PTPRD: variants seen among roughly 807,000 people sequenced by gnomAD.
The protein encoded by PTPRD is protein tyrosine phosphatase receptor type D.
A neutral mutation model predicts 214.5 loss-of-function variants in PTPRD; 34 were observed. The observed-to-expected ratio is 0.16, with a 90% CI of 0.12 to 0.21. The LOEUF is 0.21. Ranked by LOEUF, PTPRD falls within the 10% of genes least tolerant of loss-of-function variation. The pLI is 1.00. For missense variants in PTPRD, 2,545 were observed against 2,398.7 expected (o/e 1.06, Z -1.27); for synonymous variants, 1,128 against 845.7 (o/e 1.33, Z -5.79).
intron 2 of PTPRD, among the ~76,000 whole-genome samples, chr9:10,406,069 A>C (rs528289538): frequency 6.6e-6 from 1 of 151,470 alleles, no homozygotes; most frequent in African/African-American, 2.4e-5. Flanking sequence ...TAGAAGATAT[A>C]TTCTAATGTA....
intron 3 of PTPRD, among the ~76,000 whole-genome samples, chr9:10,130,113 T>A (rs770718585): frequency 3.3e-5 from 5 of 152,034 alleles, no homozygotes; most frequent in Non-Finnish European, 7.4e-5. Context: ...CCATTCCTCT[T>A]GTATAAATGT....
At chr9:10,223,443 T>C (rs1487940492) in intron 3 of PTPRD, among the ~76,000 whole-genome samples, 6 of 151,860 alleles carry the variant, frequency 4.0e-5, no homozygotes, top group Non-Finnish European at 8.8e-5. Flanking sequence ...GGCGGGCAGA[T>C]CACTTGAGGC....
chr9:10,119,769 A>G (rs1386939528), intron 3 of PTPRD, among the ~76,000 whole-genome samples: 4 of 152,074 alleles, frequency 2.6e-5, no homozygotes, highest in African/African-American at 9.7e-5. Flanking sequence ...TTTCCTGTCT[A>G]TAAAAGCAGT....
At chr9:9,591,821 T>C (rs1156468139) in intron 7 of PTPRD, among the ~76,000 whole-genome samples, 2 of 152,082 alleles carry the variant, frequency 1.3e-5, no homozygotes, top group Non-Finnish European at 2.9e-5. Flanking sequence ...GGTGAGGGCA[T>C]TCCAAATTTT....
At chr9:9,096,829 T>C (rs1248592711) in intron 10 of PTPRD, among the ~76,000 whole-genome samples, 2 of 152,232 alleles carry the variant, frequency 1.3e-5, no homozygotes, top group Admixed American at 6.5e-5. Context: ...GAGGCCATAA[T>C]TGGCATGTAG....
intron 10 of PTPRD, among the ~76,000 whole-genome samples, chr9:9,163,385 A>C (rs2099894334): frequency 6.6e-6 from 1 of 151,646 alleles, no homozygotes; most frequent in East Asian, 1.9e-4. Context: ...TGTGTTCTCT[A>C]TCTCAGAAAT....
At chr9:10,373,145 A>C (rs200368194) in intron 2 of PTPRD, among the ~76,000 whole-genome samples, 12 of 86,934 alleles carry the variant, frequency 1.4e-4, no homozygotes, top group Non-Finnish European at 1.8e-4. Context: ...CTTTATACTT[A>C]AAAAAAAAAA....
intron 3 of PTPRD, among the ~76,000 whole-genome samples, chr9:10,160,529 T>C (rs572464831): frequency 2.0e-5 from 3 of 151,956 alleles, no homozygotes; most frequent in African/African-American, 7.2e-5. Flanking sequence ...AATATAATAT[T>C]CCTTTATGGT....
intron 9 of PTPRD, among the ~76,000 whole-genome samples, chr9:9,345,009 T>C (rs2048279089): frequency 6.6e-6 from 1 of 152,068 alleles, no homozygotes; most frequent in Non-Finnish European, 1.5e-5. Flanking sequence ...GACAAAATAA[T>C]GCCCTAGAAG....
At chr9:10,105,729 T>C (rs1047044580) in intron 3 of PTPRD, among the ~76,000 whole-genome samples, 2 of 151,798 alleles carry the variant, frequency 1.3e-5, no homozygotes, top group African/African-American at 4.8e-5. Flanking sequence ...TTATTGTATA[T>C]AAGAAGCTTC....
intron 3 of PTPRD, among the ~76,000 whole-genome samples, chr9:10,272,055 A>G (rs1426930614): frequency 6.6e-6 from 1 of 152,158 alleles, no homozygotes; most frequent in Admixed American, 6.5e-5. Context: ...TTCATCCCTT[A>G]GAAAGAAACC....
At chr9:10,302,318 A>C (rs2095885992) in intron 3 of PTPRD, among the ~76,000 whole-genome samples, 1 of 152,212 alleles carries the variant, frequency 6.6e-6, no homozygotes, top group Non-Finnish European at 1.5e-5. Context: ...AAACATACCA[A>C]ATTGTAAAGA....
At chr9:9,277,801 G>A (rs1359566857) in intron 9 of PTPRD, among the ~76,000 whole-genome samples, 1 of 151,168 alleles carries the variant, frequency 6.6e-6, no homozygotes, top group Non-Finnish European at 1.5e-5. Context: ...GTACCATTGT[G>A]GGCTCTCAAA....
At chr9:10,500,256 C>A (rs889135275) in intron 2 of PTPRD, among the ~76,000 whole-genome samples, 4 of 151,740 alleles carry the variant, frequency 2.6e-5, no homozygotes, top group Admixed American at 2.6e-4. Flanking sequence ...GATGGCCTAT[C>A]CCTGAAACTA....
intron 39 of PTPRD, among the ~76,000 whole-genome samples, chr9:8,352,277 G>A (rs983466833): frequency 3.9e-5 from 6 of 152,172 alleles, no homozygotes; most frequent in Non-Finnish European, 4.4e-5. Context: ...TCATTTTACA[G>A]ATGGATAGAA....
chr9:9,918,714 A>G (rs2153854733), intron 5 of PTPRD, among the ~76,000 whole-genome samples: 1 of 152,254 alleles, frequency 6.6e-6, no homozygotes, highest in East Asian at 1.9e-4. Flanking sequence ...GAAAGAGACC[A>G]ATAGAACCAA....
intron 4 of PTPRD, among the ~76,000 whole-genome samples, chr9:9,983,723 C>A (rs1359328462): frequency 2.0e-5 from 3 of 152,194 alleles, no homozygotes; most frequent in African/African-American, 7.2e-5. Flanking sequence ...GATTTCACAA[C>A]TAATGTGATC....
At chr9:10,305,241 T>C (rs1336277217) in intron 3 of PTPRD, among the ~76,000 whole-genome samples, 2 of 151,986 alleles carry the variant, frequency 1.3e-5, no homozygotes, top group African/African-American at 4.8e-5. Context: ...GCTTACACCT[T>C]ATAGCAAAAT....
At chr9:9,406,110 T>C (rs779817718) in intron 8 of PTPRD, among the ~76,000 whole-genome samples, 40 of 151,922 alleles carry the variant, frequency 2.6e-4, no homozygotes, top group Admixed American at 2.6e-3. Context: ...ACTGAGAAAA[T>C]TGAATAGCTA....
Sources: gnomAD v4.1 joint callset for allele counts (sites outside exome capture counted in the v4.1 genomes callset) on GRCh38, gnomAD v4.1.1 for gene constraint, MANE v1.5 for transcripts, NCBI Gene and HGNC (gene_info 2026-07-23, HGNC 2026-07-21) for gene names.